HTT: variants seen among roughly 807,000 people sequenced by gnomAD.
HTT encodes huntington disease protein.
A neutral mutation model predicts 362.3 loss-of-function variants in HTT; 104 were observed. The observed-to-expected ratio is 0.29, with a 90% CI of 0.24 to 0.34. The LOEUF is 0.34. Ranked by LOEUF, HTT falls within the 10% of genes least tolerant of loss-of-function variation. HTT has a pLI of 1.00. For missense variants in HTT, 3,301 were observed against 3,928.6 expected (o/e 0.84, Z 4.27); for synonymous variants, 1,577 against 1,548.7 (o/e 1.02, Z -0.43).
At chr4:3,142,053 A>G (rs1450154243) in intron 22 of HTT, among the ~76,000 whole-genome samples, 1 of 152,322 alleles carries the variant, frequency 6.6e-6, no homozygotes, top group East Asian at 1.9e-4. Context: ...ACTAACTACT[A>G]CTTGGAAAAG....
chr4:3,209,555 C>T lies in HTT; in HGVS notation c.6292-272C>T, dbSNP rs1324060330. Among the ~76,000 whole-genome samples the T allele has an allele frequency of 2.6e-5, 4 of 152,266 alleles. No individual in the cohort carries two copies. In the East Asian group the frequency reaches 5.8e-4, roughly 22 times the overall value. On this transcript the variant is annotated intron_variant, in intron 46 of 66. Transcript: ENST00000355072. ...ACCCAGGAGAGGATGGCAAAGGGGC[C>T]GCTAACCCTTAGTGGTTTAGCTATA...
chr4:3,101,256 AG>A (rs1299819958), intron 3 of HTT, among the ~76,000 whole-genome samples: 6 of 152,048 alleles, frequency 3.9e-5, no homozygotes, highest in African/African-American at 1.4e-4. Context: ...TGTGTGTCTG[AG>A]GACTGTAGGC....
intron 1 of HTT, among the ~76,000 whole-genome samples, chr4:3,083,735 A>G (rs559268288): frequency 7.2e-5 from 11 of 152,320 alleles, no homozygotes; most frequent in Admixed American, 2.0e-4. Flanking sequence ...AGTTTGTCAT[A>G]AAACTGAACA....
chr4:3,162,004 A>G lies in HTT; in HGVS notation c.3864+1612A>G, dbSNP rs577162547. ...AGACATGAAGTCTTTGCCTATGCCT[A>G]TGTCCTGAATGTTATGGCCCAGGTT... On this transcript the variant is annotated intron_variant, in intron 29 of 66. Coordinates refer to ENST00000355072, the MANE Select transcript of HTT (RefSeq NM_001388492.1). Among the ~76,000 whole-genome samples the G allele has an allele frequency of 2.8e-4, 43 of 152,262 alleles. 1 individual carries two copies. Among genetic ancestry groups the G allele is most frequent in the Admixed American group, 2.7e-3 (42 of 15,290 alleles).
chr4:3,177,282 T>C, intron 33 of HTT, 50 bp from the exon 34 acceptor site: 1 of 1,296,586 alleles, frequency 7.7e-7, no homozygotes, highest in Non-Finnish European at 1.1e-6. Flanking sequence ...AGCCTGGTTT[T>C]TACATTTTAA....
intron 6 of HTT, among the ~76,000 whole-genome samples, chr4:3,111,197 T>TC (rs1714729575): frequency 6.7e-6 from 1 of 150,150 alleles, no homozygotes. Flanking sequence ...TCTTTACTTT[T>TC]TTTTTTTTTT....
chr4:3,136,917 A>AT (rs544832537), intron 21 of HTT, among the ~76,000 whole-genome samples: 12,137 of 147,362 alleles, frequency 0.082, 621 homozygotes, highest in African/African-American at 0.16. Context: ...CCGGCTTTGA[A>AT]TTTTTTTTTT....
chr4:3,196,260 C>T (rs1328454385), intron 40 of HTT, among the ~76,000 whole-genome samples: 1 of 152,174 alleles, frequency 6.6e-6, no homozygotes, highest in Non-Finnish European at 1.5e-5. Context: ...TTGTTCCTCC[C>T]TCCACCTGGA....
rs570753634 is a variant in HTT at position 3,111,740 on chromosome 4, C to T, written c.748-3564C>T. 6.6e-5 allele frequency among the ~76,000 whole-genome samples: 10 copies of T among 152,108 alleles called. No individual in the cohort carries two copies. The East Asian group carries it at 7.7e-4, about 12-fold the overall frequency. ...TGAGATTATCCCTCTCAATCTTTGCCGGAGGTGGGGGAGGGGCTGCTTCCT... is the reference window on the plus strand; with the variant it reads ...TGAGATTATCCCTCTCAATCTTTGCTGGAGGTGGGGGAGGGGCTGCTTCCT... On this transcript the variant is annotated intron_variant, in intron 6 of 66. Coordinates refer to ENST00000355072, the MANE Select transcript of HTT (RefSeq NM_001388492.1).
At chr4:3,224,365 C>T (rs1362198573) in intron 56 of HTT, among the ~76,000 whole-genome samples, 3 of 152,172 alleles carry the variant, frequency 2.0e-5, no homozygotes, top group Non-Finnish European at 4.4e-5. Flanking sequence ...AAATGAGAAG[C>T]GAAAGAATTC....
intron 66 of HTT, 31 bp downstream of exon 66, chr4:3,239,009 C>G (rs549371556): frequency 5.1e-6 from 8 of 1,578,202 alleles, no homozygotes; most frequent in Non-Finnish European, 6.9e-6. Context: ...GTGCTGGCCC[C>G]GTTTCCCTTG....
chr4:3,197,048 C>G (rs1719287547), intron 40 of HTT, among the ~76,000 whole-genome samples: 1 of 152,166 alleles, frequency 6.6e-6, no homozygotes, highest in South Asian at 2.1e-4. Context: ...CTTTCTAGGT[C>G]TCTCTCATCC....
At chr4:3,167,477 C>T (rs1717774241) in intron 29 of HTT, among the ~76,000 whole-genome samples, 1 of 151,962 alleles carries the variant, frequency 6.6e-6, no homozygotes, top group Admixed American at 6.5e-5. Context: ...ATGGAAAATA[C>T]TATATGTTTT....
chr4:3,084,023 C>G (rs1334618328), intron 1 of HTT, among the ~76,000 whole-genome samples: 2 of 151,932 alleles, frequency 1.3e-5, no homozygotes, highest in Non-Finnish European at 2.9e-5. Context: ...CTGTATGATT[C>G]TATGTTTTTT....
intron 21 of HTT, among the ~76,000 whole-genome samples, chr4:3,137,110 A>G (rs1716108201): frequency 6.6e-6 from 1 of 151,682 alleles, no homozygotes; most frequent in African/African-American, 2.4e-5. Flanking sequence ...GTTTCACGAT[A>G]TTGGCCAGGC....
intron 26 of HTT, 21 bp from the exon 27 acceptor site, chr4:3,154,266 TTTTTTG>T: frequency 2.0e-6 from 3 of 1,520,398 alleles, no homozygotes; most frequent in Non-Finnish European, 2.6e-6. Flanking sequence ...TGTTTTTTTG[TTTTTTG>T]TTTTTGTTTT....
At chr4:3,144,608 G>A (rs1192956223) in intron 23 of HTT, among the ~76,000 whole-genome samples, 1 of 152,214 alleles carries the variant, frequency 6.6e-6, no homozygotes, top group Non-Finnish European at 1.5e-5. Context: ...GAGCTACTGC[G>A]CCCAGCCAGA....
intron 29 of HTT, among the ~76,000 whole-genome samples, chr4:3,160,762 G>A (rs1369666705): frequency 1.3e-5 from 2 of 152,072 alleles, no homozygotes; most frequent in East Asian, 3.9e-4. Context: ...TTGCTCTTTT[G>A]TGCCTGAGGA....
intron 23 of HTT, 32 bp downstream of exon 23, chr4:3,142,918 A>G (rs979745586): frequency 1.3e-6 from 2 of 1,597,584 alleles, no homozygotes; most frequent in African/African-American, 1.3e-5. Flanking sequence ...TCTTACTGAC[A>G]TTGTAATAGT....
Sources: gnomAD v4.1 joint callset for allele counts (sites outside exome capture counted in the v4.1 genomes callset) on GRCh38, gnomAD v4.1.1 for gene constraint, MANE v1.5 for transcripts, NCBI Gene and HGNC (gene_info 2026-07-23, HGNC 2026-07-21) for gene names.